Variants in ADD3 observed in about 807,000 individuals in gnomAD.
ADD3 encodes the protein adducin 3, also known as gamma-adducin.
In ADD3, 25 loss-of-function variants were observed where a neutral mutation model predicts 80.2. That is an observed-to-expected ratio of 0.31 (90% CI 0.23 to 0.44). The LOEUF (loss-of-function observed/expected upper bound fraction) is 0.44, where lower values mean the gene tolerates loss of function less well. ADD3 is among the 20% of genes least tolerant of loss of function. The pLI, the probability that ADD3 is intolerant of heterozygous loss-of-function variation, is 1.00. For synonymous variants in ADD3, 284 were observed against 289.6 expected, an observed-to-expected ratio of 0.98 and a Z score of 0.20; for missense variants, 829 against 847.5, an observed-to-expected ratio of 0.98 and a Z score of 0.27.
upstream of ADD3, among the ~76,000 whole-genome samples, chr10:110,003,302 G>GGTGTGTGTGTGT (rs1554893815): frequency 2.0e-4 from 30 of 147,024 alleles, no homozygotes; most frequent in African/African-American, 7.4e-4. Flanking sequence ...GAACAGTAAG[G>GGTGTGTGTGTGT]GTGTGTGTGT....
At chr10:110,127,619 A>C (rs568305628) in intron 12 of ADD3, among the ~76,000 whole-genome samples, 1 of 152,366 alleles carries the variant, frequency 6.6e-6, no homozygotes, top group Non-Finnish European at 1.5e-5. Context: ...CCGTCTCAAA[A>C]AATAAGAATA....
At chr10:110,104,910 A>G (rs1476429672) in intron 2 of ADD3, among the ~76,000 whole-genome samples, 1 of 152,188 alleles carries the variant, frequency 6.6e-6, no homozygotes, top group Non-Finnish European at 1.5e-5. Context: ...ACCTGTAATC[A>G]CTAGGCTGTA....
At chr10:110,110,508 C>T (rs1240605477) in intron 2 of ADD3, among the ~76,000 whole-genome samples, 1 of 152,128 alleles carries the variant, frequency 6.6e-6, no homozygotes, top group African/African-American at 2.4e-5. Context: ...GTGCTAAGCT[C>T]GGTCCTTTAT....
chr10:110,124,337 A>G, intron 10 of ADD3, 63 bp downstream of exon 10: 1 of 1,537,154 alleles, frequency 6.5e-7, no homozygotes, highest in Non-Finnish European at 8.9e-7. Context: ...TCAAGAATTG[A>G]ATGTTCTATA....
chr10:110,036,241 T>G (rs1489807331), intron 1 of ADD3, among the ~76,000 whole-genome samples: 1 of 152,176 alleles, frequency 6.6e-6, no homozygotes, highest in Non-Finnish European at 1.5e-5. Flanking sequence ...TCATCTATAG[T>G]GAGGCAGCAT....
At chr10:110,121,591 C>A (rs1482680582) in intron 8 of ADD3, among the ~76,000 whole-genome samples, 2 of 152,064 alleles carry the variant, frequency 1.3e-5, no homozygotes, top group South Asian at 2.1e-4. Context: ...TAAAAAAAAA[C>A]TTTTTCTACC....
intron 1 of ADD3, among the ~76,000 whole-genome samples, chr10:110,070,839 T>C (rs1411728357): frequency 6.6e-6 from 1 of 152,084 alleles, no homozygotes; most frequent in African/African-American, 2.4e-5. Flanking sequence ...GCATTAATTT[T>C]AGAGGCTGGG....
upstream of ADD3, among the ~76,000 whole-genome samples, chr10:110,007,068 G>T (rs903821770): frequency 6.6e-6 from 1 of 152,162 alleles, no homozygotes; most frequent in African/African-American, 2.4e-5. Context: ...GTCTGGGCGA[G>T]GGGGGTGGGA....
chr10:110,040,979 TC>T (rs2133293115), intron 1 of ADD3, among the ~76,000 whole-genome samples: 1 of 151,792 alleles, frequency 6.6e-6, no homozygotes, highest in African/African-American at 2.4e-5. Context: ...TCTCTCTCTC[TC>T]TCTCTCCGTG....
At chr10:110,048,380 G>A (rs886751679) in intron 1 of ADD3, among the ~76,000 whole-genome samples, 1 of 152,206 alleles carries the variant, frequency 6.6e-6, no homozygotes, top group African/African-American at 2.4e-5. Context: ...GCCCAAAAAT[G>A]TGGAAGCTCC....
In ADD3 at chr10:110,132,474, G is replaced by T. The variant is rs191609867; in HGVS notation, c.1828+74G>T. On this transcript the variant is annotated intron_variant, in intron 14 of 14. Coordinates refer to ENST00000356080, the MANE Select transcript of ADD3 (RefSeq NM_016824.5). ...CTGTCCCTCTGTGTTTTGTTTTCAC[G>T]TGAGGAAGTTGAATACCTCATCACA... The T allele has an allele frequency of 4.9e-5, 49 of 991,638 alleles. No individual in the cohort carries two copies. In the Middle Eastern group the frequency reaches 6.2e-4, roughly 13 times the overall value. The allele number at this position is 991,638 out of a possible 1,614,324, so 61.4% of individuals were successfully genotyped here.
intron 3 of ADD3, among the ~76,000 whole-genome samples, chr10:110,114,524 G>A (rs1850446981): frequency 6.6e-6 from 1 of 152,142 alleles, no homozygotes; most frequent in African/African-American, 2.4e-5. Context: ...TGAGTTAAGG[G>A]CTGAACTCAA....
chr10:110,053,299 TTTG>T (rs1263661249), intron 1 of ADD3, among the ~76,000 whole-genome samples: 1 of 152,010 alleles, frequency 6.6e-6, no homozygotes, highest in East Asian at 1.9e-4. Flanking sequence ...TGTGGATTTT[TTTG>T]TTGTTGTGGC....
intron 1 of ADD3, among the ~76,000 whole-genome samples, chr10:110,067,734 A>G (rs938220129): frequency 1.3e-5 from 2 of 152,224 alleles, no homozygotes; most frequent in African/African-American, 2.4e-5. Context: ...AAGCTTCATC[A>G]TGACAGTCAA....
At chr10:110,108,268 A>G (rs1012771184) in intron 2 of ADD3, among the ~76,000 whole-genome samples, 3 of 152,132 alleles carry the variant, frequency 2.0e-5, no homozygotes, top group Admixed American at 1.3e-4. Flanking sequence ...ATTGCAGTCT[A>G]ATGCTCTAAT....
At chr10:110,009,458 G>T (rs955281829) in intron 1 of ADD3, among the ~76,000 whole-genome samples, 1 of 152,132 alleles carries the variant, frequency 6.6e-6, no homozygotes, top group Non-Finnish European at 1.5e-5. Flanking sequence ...AGTGCAATTT[G>T]TCGTTTTCAA....
intron 1 of ADD3, among the ~76,000 whole-genome samples, chr10:110,092,626 A>G (rs1320105576): frequency 6.6e-6 from 1 of 152,168 alleles, no homozygotes; most frequent in East Asian, 1.9e-4. Flanking sequence ...TCCTCTGCTC[A>G]CTTACTTGGC....
chr10:110,045,908 TA>T (rs1856859506), intron 1 of ADD3, among the ~76,000 whole-genome samples: 1 of 152,222 alleles, frequency 6.6e-6, no homozygotes. Flanking sequence ...ACTATTTACT[TA>T]AAAAGCTGTG....
At chr10:110,109,346 T>G (rs1164973277) in intron 2 of ADD3, among the ~76,000 whole-genome samples, 2 of 152,356 alleles carry the variant, frequency 1.3e-5, no homozygotes, top group East Asian at 3.9e-4. Context: ...TACAATTTTA[T>G]GGCATTCACT....
Sources: allele counts gnomAD v4.1 joint callset (sites outside exome capture counted in the v4.1 genomes callset), GRCh38; gene constraint gnomAD v4.1.1; transcripts MANE v1.5; gene names NCBI Gene and HGNC (gene_info 2026-07-23, HGNC 2026-07-21).